SOX6: variants seen among roughly 807,000 people sequenced by gnomAD.
SOX6 encodes transcription factor SOX-6.
Under a neutral mutation model 97.8 loss-of-function variants are expected in SOX6, and 11 were observed. The observed-to-expected ratio is 0.11, with a 90% CI of 0.07 to 0.19. The LOEUF (loss-of-function observed/expected upper bound fraction) is 0.19, where lower values mean the gene tolerates loss of function less well. Ranked by LOEUF, SOX6 falls within the 10% of genes least tolerant of loss-of-function variation. SOX6 has a pLI of 1.00. For missense variants in SOX6, 810 were observed against 1,039.5 expected (o/e 0.78, Z 3.04); for synonymous variants, 360 against 371.4 (o/e 0.97, Z 0.35).
chr11:16,537,111 G>C (rs933234535), intron 4 of SOX6, among the ~76,000 whole-genome samples: 1 of 152,120 alleles, frequency 6.6e-6, no homozygotes, highest in African/African-American at 2.4e-5. Flanking sequence ...CCAGAGGAAG[G>C]GTCAGGCAGC....
chr11:16,092,079 T>C (rs1368081738), intron 9 of SOX6, among the ~76,000 whole-genome samples: 1 of 151,960 alleles, frequency 6.6e-6, no homozygotes, highest in Non-Finnish European at 1.5e-5. Flanking sequence ...CTGCTGACAG[T>C]CGCTTTATCT....
intron 3 of SOX6, among the ~76,000 whole-genome samples, chr11:16,307,579 G>C (rs1192024105): frequency 6.6e-6 from 1 of 152,132 alleles, no homozygotes; most frequent in Non-Finnish European, 1.5e-5. Context: ...ATATTTCTGG[G>C]GGATAAGCTA....
chr11:16,499,328 T>C (rs1352758328), intron 4 of SOX6, among the ~76,000 whole-genome samples: 2 of 152,144 alleles, frequency 1.3e-5, no homozygotes, highest in Non-Finnish European at 2.9e-5. Flanking sequence ...GGGAAATTTA[T>C]AGCACTAAAT....
At chr11:16,419,168 A>T (rs2134609) in intron 1 of SOX6, among the ~76,000 whole-genome samples, 7 of 151,906 alleles carry the variant, frequency 4.6e-5, no homozygotes, top group Non-Finnish European at 8.8e-5. Flanking sequence ...GCACATTACT[A>T]TTCATAATGC....
intron 4 of SOX6, among the ~76,000 whole-genome samples, chr11:16,608,329 T>C (rs909406813): frequency 1.3e-5 from 2 of 151,980 alleles, no homozygotes; most frequent in Non-Finnish European, 2.9e-5. Context: ...ATGGGCTGAA[T>C]GTTGAGAAGT....
intron 3 of SOX6, among the ~76,000 whole-genome samples, chr11:16,241,792 G>C (rs11023886): frequency 3.3e-5 from 5 of 151,984 alleles, no homozygotes; most frequent in African/African-American, 1.2e-4. Context: ...CTGGCACATA[G>C]ATAGAGCCTG....
At chr11:16,728,079 C>G (rs1268708014) in intron 2 of SOX6, among the ~76,000 whole-genome samples, 2 of 152,176 alleles carry the variant, frequency 1.3e-5, no homozygotes, top group African/African-American at 4.8e-5. Flanking sequence ...AGAAAGGCAG[C>G]AGCCCCAGTG....
At chr11:16,361,321 T>C (rs1857206066), upstream of SOX6, among the ~76,000 whole-genome samples, 1 of 151,998 alleles carries the variant, frequency 6.6e-6, no homozygotes, top group African/African-American at 2.4e-5. Context: ...CTTCACTCAA[T>C]AGACATTGTT....
At chr11:16,644,114 C>G (rs1406965829) in intron 3 of SOX6, among the ~76,000 whole-genome samples, 1 of 152,162 alleles carries the variant, frequency 6.6e-6, no homozygotes, top group East Asian at 1.9e-4. Flanking sequence ...AATCATGGCT[C>G]ACTGCAGCCT....
chr11:16,681,591 G>T (rs376373943), intron 3 of SOX6, among the ~76,000 whole-genome samples: 20 of 152,002 alleles, frequency 1.3e-4, no homozygotes, highest in South Asian at 1.0e-3. Flanking sequence ...CTAGCAGAAG[G>T]CAAGAAATAA....
chr11:16,598,616 T>A (rs1848236333), intron 4 of SOX6, among the ~76,000 whole-genome samples: 1 of 151,792 alleles, frequency 6.6e-6, no homozygotes, highest in Non-Finnish European at 1.5e-5. Flanking sequence ...AAATGTAGCA[T>A]TTGCAACCAT....
chr11:16,134,527 C>A (rs980691099), intron 6 of SOX6, among the ~76,000 whole-genome samples: 2 of 152,368 alleles, frequency 1.3e-5, no homozygotes, highest in East Asian at 3.9e-4. Flanking sequence ...CAACCCTGGT[C>A]AAGCAAGCCT....
intron 2 of SOX6, among the ~76,000 whole-genome samples, chr11:16,331,947 T>C (rs556918967): frequency 7.8e-4 from 119 of 152,302 alleles, no homozygotes; most frequent in African/African-American, 2.7e-3. Context: ...GAATTTTTAT[T>C]TTCCCCTCTT....
At chr11:16,377,617 T>G (rs1857678026) in intron 1 of SOX6, among the ~76,000 whole-genome samples, 1 of 152,192 alleles carries the variant, frequency 6.6e-6, no homozygotes, top group South Asian at 2.1e-4. Flanking sequence ...AAAGTAATAT[T>G]TATTGTTTTC....
chr11:16,028,639 T>G (rs1166749560), intron 12 of SOX6, among the ~76,000 whole-genome samples: 1 of 152,206 alleles, frequency 6.6e-6, no homozygotes, highest in Admixed American at 6.5e-5. Flanking sequence ...GATCACTGTG[T>G]GTGTTAGGCA....
intron 4 of SOX6, among the ~76,000 whole-genome samples, chr11:16,525,251 C>A (rs1861138413): frequency 6.6e-6 from 1 of 151,974 alleles, no homozygotes; most frequent in African/African-American, 2.4e-5. Flanking sequence ...GCTACAGTAA[C>A]CAAAACAGCA....
intron 6 of SOX6, among the ~76,000 whole-genome samples, chr11:16,145,851 A>C (rs1850278189): frequency 6.6e-6 from 1 of 152,220 alleles, no homozygotes; most frequent in Non-Finnish European, 1.5e-5. Flanking sequence ...AAAATAAAAG[A>C]GGACACAAAC....
In SOX6 at chr11:15,967,638, C is replaced by T. The variant is rs1853177149; in HGVS notation, c.*5171G>A. ...GACTGCACTTTCAAAAAAGCAAAAA[C>T]ACATATGACAAAGGAAGACAAAGGG... On this transcript the variant is annotated 3_prime_UTR_variant, in exon 16 of 16. Coordinates refer to ENST00000683767, the MANE Select transcript of SOX6 (RefSeq NM_001367873.1). 6.6e-6 allele frequency: 1 copy of T among 152,142 alleles called. No homozygotes were observed. The highest frequency in any genetic ancestry group is 2.4e-5 in the African/African-American group (1 of 41,420). The allele number at this position is 152,142 out of a possible 1,614,324, so 9.4% of individuals were successfully genotyped here. A position where few individuals can be genotyped will look rare whatever the true frequency, so the allele number is the denominator to read the frequency against.
upstream of SOX6, among the ~76,000 whole-genome samples, chr11:16,477,588 C>A (rs56311489): frequency 6.6e-6 from 1 of 152,024 alleles, no homozygotes; most frequent in African/African-American, 2.4e-5. Flanking sequence ...CAGTGGCTCA[C>A]GCCTGTAATC....
Sources: allele counts gnomAD v4.1 joint callset (sites outside exome capture counted in the v4.1 genomes callset), GRCh38; gene constraint gnomAD v4.1.1; transcripts MANE v1.5; gene names NCBI Gene and HGNC (gene_info 2026-07-23, HGNC 2026-07-21).